The following ARID1B variants were observed in gnomAD, a reference collection of about 807,000 sequenced individuals.
ARID1B encodes the protein AT-rich interactive domain-containing protein 1B.
A neutral mutation model predicts 212.3 loss-of-function variants in ARID1B; 30 were observed. The ratio of observed to expected loss-of-function variants is 0.14; its 90% CI spans 0.11 to 0.19. The LOEUF is 0.19. ARID1B is among the 10% of genes least tolerant of loss of function. The probability of loss-of-function intolerance (pLI) is 1.00; values close to 1 mark genes in which losing one functional copy is unlikely to be tolerated. For missense variants in ARID1B, 2,891 were observed against 3,204.0 expected (o/e 0.90, Z 2.36); for synonymous variants, 1,402 against 1,301.7 (o/e 1.08, Z -1.66).
intron 2 of ARID1B, among the ~76,000 whole-genome samples, chr6:156,876,677 TTC>T (rs1786582025): frequency 6.6e-6 from 1 of 152,198 alleles, no homozygotes; most frequent in Non-Finnish European, 1.5e-5. Context: ...CCCAGACACT[TTC>T]TGTGTGCCCC....
At chr6:156,791,669 G>A (rs1780018711) in intron 1 of ARID1B, among the ~76,000 whole-genome samples, 1 of 152,204 alleles carries the variant, frequency 6.6e-6, no homozygotes. Context: ...AACGGAACAC[G>A]GACAGATAAC....
chr6:157,176,770 C>T (rs1344304365), intron 11 of ARID1B, among the ~76,000 whole-genome samples: 1 of 151,960 alleles, frequency 6.6e-6, no homozygotes, highest in Non-Finnish European at 1.5e-5. Flanking sequence ...CACTTGAACC[C>T]GAGAGGCGGA....
At chr6:156,837,534 C>CT (rs1783596616) in intron 2 of ARID1B, among the ~76,000 whole-genome samples, 1 of 151,888 alleles carries the variant, frequency 6.6e-6, no homozygotes, top group East Asian at 1.9e-4. Flanking sequence ...AAAAGTTTTT[C>CT]TTTTATGTTA....
rs1583170657 is a variant in ARID1B, at chr6:156,858,244, G to T, written c.1986+28823G>T. On this transcript the variant is annotated intron_variant, in intron 2 of 19. Coordinates refer to ENST00000636930, the MANE Select transcript of ARID1B (RefSeq NM_001374828.1). ...TGGAAAGTGTAGTGGAGAGATGGGA[G>T]GGGGGATAAAGAGGGGATGGTTAAT... Among the ~76,000 whole-genome samples the T allele has an allele frequency of 3.9e-5, 6 of 152,200 alleles. 1 individual carries two copies. The South Asian group carries it at 1.2e-3, about 32-fold the overall frequency.
At chr6:156,824,144 A>G (rs1430529065) in intron 1 of ARID1B, among the ~76,000 whole-genome samples, 5 of 152,258 alleles carry the variant, frequency 3.3e-5, no homozygotes, top group Admixed American at 2.0e-4. Context: ...ATGTACATCC[A>G]AAAGTTTACT....
At chr6:156,927,041 TTAAA>T (rs149181740) in intron 3 of ARID1B, among the ~76,000 whole-genome samples, 36,548 of 151,872 alleles carry the variant, frequency 0.24, 4,772 homozygotes, top group African/African-American at 0.35. Context: ...ATAAAGAACT[TTAAA>T]AAAGAGACAT....
intron 1 of ARID1B, among the ~76,000 whole-genome samples, chr6:156,815,172 G>A (rs1461651602): frequency 1.3e-5 from 2 of 152,144 alleles, no homozygotes; most frequent in Non-Finnish European, 2.9e-5. Flanking sequence ...TGAAATGGCT[G>A]GCAGTAGACA....
At chr6:156,828,368 T>A (rs868097713) in intron 1 of ARID1B, among the ~76,000 whole-genome samples, 1 of 152,092 alleles carries the variant, frequency 6.6e-6, no homozygotes, top group Non-Finnish European at 1.5e-5. Context: ...ACAGTTGGGA[T>A]CAGTATGTGG....
At position 157,208,783 on chromosome 6, in the gene ARID1B, G is replaced by C. The variant is rs1208630753; in HGVS notation, c.*892G>C. On this transcript the variant is annotated 3_prime_UTR_variant, in exon 20 of 20. Coordinates refer to ENST00000636930, the MANE Select transcript of ARID1B (RefSeq NM_001374828.1). ...CATGATGTGGTAACTACGAAGTGAT[G>C]GTAGATTTAAATAATTTTTTATTTT... The C allele has an allele frequency of 9.2e-6, 2 of 216,338 alleles. No individual in the cohort carries two copies. Among genetic ancestry groups the C allele is most frequent in the South Asian group, 3.8e-4 (2 of 5,216 alleles). The allele number at this position is 216,338 out of a possible 1,614,324, so 13.4% of individuals were successfully genotyped here. A position where few individuals can be genotyped will look rare whatever the true frequency, so the allele number is the denominator to read the frequency against.
intron 13 of ARID1B, 28 bp from the exon 14 acceptor site, chr6:157,189,614 C>T: frequency 7.0e-6 from 11 of 1,577,868 alleles, no homozygotes; most frequent in Non-Finnish European, 8.6e-6. Context: ...GGATTTCTTC[C>T]TGTTTCTCTT....
At chr6:156,944,773 T>A (rs1389591008) in intron 4 of ARID1B, among the ~76,000 whole-genome samples, 1 of 152,172 alleles carries the variant, frequency 6.6e-6, no homozygotes, top group Non-Finnish European at 1.5e-5. Context: ...CACACTATGC[T>A]TTTTAAACCG....
intron 4 of ARID1B, among the ~76,000 whole-genome samples, chr6:156,951,778 C>T (rs1154032): frequency 5.3e-5 from 8 of 151,992 alleles, no homozygotes; most frequent in Non-Finnish European, 8.8e-5. Flanking sequence ...TATTATTTTT[C>T]TTTTATTATA....
chr6:157,028,374 T>C (rs1237374706), intron 4 of ARID1B, among the ~76,000 whole-genome samples: 2 of 152,216 alleles, frequency 1.3e-5, no homozygotes, highest in Non-Finnish European at 2.9e-5. Context: ...AAATCAATCA[T>C]GTAGAAATAA....
chr6:157,021,737 GC>G (rs1475191467), intron 4 of ARID1B, among the ~76,000 whole-genome samples: 2 of 151,908 alleles, frequency 1.3e-5, no homozygotes, highest in African/African-American at 4.8e-5. Flanking sequence ...CCGCGCGCCC[GC>G]AGGCTCCTCC....
chr6:156,944,491 T>A (rs539823438), intron 4 of ARID1B, among the ~76,000 whole-genome samples: 2 of 152,176 alleles, frequency 1.3e-5, no homozygotes, highest in South Asian at 4.2e-4. Context: ...TAGGGAAGTC[T>A]AGGGAAAAGG....
At chr6:157,123,247 C>CCCCCCCCA (rs1554299918) in intron 6 of ARID1B, among the ~76,000 whole-genome samples, 2 of 111,838 alleles carry the variant, frequency 1.8e-5, no homozygotes, top group East Asian at 3.4e-4. Flanking sequence ...CGCCCCCCCC[C>CCCCCCCCA]CACACACACA....
intron 5 of ARID1B, among the ~76,000 whole-genome samples, chr6:157,098,787 T>G (rs1467860484): frequency 6.6e-6 from 1 of 152,160 alleles, no homozygotes; most frequent in Non-Finnish European, 1.5e-5. Context: ...GAGTGGCAAG[T>G]GCAGTGGGAC....
intron 6 of ARID1B, among the ~76,000 whole-genome samples, chr6:157,125,060 G>T (rs1788044832): frequency 6.6e-6 from 1 of 152,182 alleles, no homozygotes; most frequent in East Asian, 1.9e-4. Flanking sequence ...ACCAGAATGG[G>T]AGCACCTGGT....
chr6:156,897,892 C>T (rs1419429606), intron 2 of ARID1B, among the ~76,000 whole-genome samples: 1 of 152,166 alleles, frequency 6.6e-6, no homozygotes, highest in Non-Finnish European at 1.5e-5. Flanking sequence ...ATAATAATAG[C>T]TTGCTTAATA....
Sources: gnomAD v4.1 joint callset for allele counts (sites outside exome capture counted in the v4.1 genomes callset) on GRCh38, gnomAD v4.1.1 for gene constraint, MANE v1.5 for transcripts, NCBI Gene and HGNC (gene_info 2026-07-23, HGNC 2026-07-21) for gene names.